Variants in METAP1D observed in about 807,000 individuals in gnomAD.
The protein encoded by METAP1D is methionyl aminopeptidase type 1D, mitochondrial, also known as methionine aminopeptidase 1D, mitochondrial.
Under a neutral mutation model 40.5 loss-of-function variants are expected in METAP1D, and 31 were observed. That is an observed-to-expected ratio of 0.77 (90% CI 0.58 to 1.03). The LOEUF (loss-of-function observed/expected upper bound fraction) is 1.03. Among genes scored for constraint, METAP1D ranks in the 50% least tolerant of loss-of-function variants. METAP1D has a pLI of 0.00. For synonymous variants in METAP1D, 151 were observed against 146.4 expected (o/e 1.03, Z -0.22); for missense variants, 411 against 420.7 (o/e 0.98, Z 0.20).
intron 8 of METAP1D, 34 bp downstream of exon 8, chr2:172,079,296 G>C: frequency 6.2e-7 from 1 of 1,611,264 alleles, no homozygotes; most frequent in Non-Finnish European, 8.5e-7. Flanking sequence ...TGAGTGCGTA[G>C]CTCCTGGTGG....
chr2:172,036,349 A>G (rs1408493626), intron 1 of METAP1D, among the ~76,000 whole-genome samples: 2 of 149,026 alleles, frequency 1.3e-5, no homozygotes, highest in Non-Finnish European at 3.0e-5. Flanking sequence ...ACTGTAATTT[A>G]TTCTGTAGTT....
intron 1 of METAP1D, among the ~76,000 whole-genome samples, chr2:172,023,363 A>G (rs1054198280): frequency 1.3e-5 from 2 of 152,146 alleles, no homozygotes; most frequent in Non-Finnish European, 2.9e-5. Flanking sequence ...AAAAAAAATA[A>G]TTTCTTCCTG....
chr2:172,080,036 A>G (rs1394849062), intron 8 of METAP1D, 92 bp from the exon 9 acceptor site: 11 of 1,122,204 alleles, frequency 9.8e-6, no homozygotes, highest in Non-Finnish European at 1.4e-5. Flanking sequence ...GAGGGGAGGG[A>G]GGAGAAACTT....
At chr2:172,029,520 A>G (rs956908988) in intron 1 of METAP1D, among the ~76,000 whole-genome samples, 1 of 152,254 alleles carries the variant, frequency 6.6e-6, no homozygotes, top group African/African-American at 2.4e-5. Context: ...CATTTACAAA[A>G]TAGTATATAG....
In METAP1D at chr2:172,043,336, A is replaced by G. The variant is rs911312771; in HGVS notation, c.41-18162A>G. 2.3e-5 allele frequency among the ~76,000 whole-genome samples: 3 copies of G among 131,756 alleles called. 1 individual carries two copies. The highest frequency in any genetic ancestry group is 7.7e-5 in the African/African-American group (3 of 39,180). 86.4% of individuals were successfully genotyped at this position (131,756 alleles called of 152,430 possible). ...CACCTGTTAGTTTATCCAGTCAGGC[A>G]CTCCATATTTGGAAGGAAGGAGGAT... is the stretch of plus-strand genomic sequence containing the variant. On this transcript the variant is annotated intron_variant, in intron 1 of 9. Coordinates refer to ENST00000315796, the MANE Select transcript of METAP1D (RefSeq NM_199227.3).
chr2:172,050,364 A>G (rs975624512), intron 1 of METAP1D, among the ~76,000 whole-genome samples: 1 of 152,190 alleles, frequency 6.6e-6, no homozygotes, highest in Non-Finnish European at 1.5e-5. Context: ...TAAGTAGTAT[A>G]TGACAGTAGT....
chr2:172,038,697 G>A (rs1574111836), intron 1 of METAP1D, among the ~76,000 whole-genome samples: 1 of 152,130 alleles, frequency 6.6e-6, no homozygotes, highest in Non-Finnish European at 1.5e-5. Context: ...CAAAAGGAAT[G>A]ATAATTATAA....
chr2:172,045,662 AG>A (rs1386105035), intron 1 of METAP1D, among the ~76,000 whole-genome samples: 31 of 68,788 alleles, frequency 4.5e-4, no homozygotes, highest in Non-Finnish European at 8.6e-4. Flanking sequence ...ACTCCGTCTC[AG>A]GAAAAAAAAA....
intron 1 of METAP1D, among the ~76,000 whole-genome samples, chr2:172,045,666 A>G (rs1361658856): frequency 9.0e-5 from 3 of 33,168 alleles, no homozygotes; most frequent in Non-Finnish European, 9.2e-5. Context: ...CGTCTCAGGA[A>G]AAAAAAAAAA....
At chr2:172,022,765 C>T (rs1689034362) in intron 1 of METAP1D, among the ~76,000 whole-genome samples, 1 of 152,154 alleles carries the variant, frequency 6.6e-6, no homozygotes, top group South Asian at 2.1e-4. Flanking sequence ...TATTAGCAGT[C>T]AATGCAATTA....
chr2:172,079,335 A>C (rs1367442404), intron 8 of METAP1D, 73 bp downstream of exon 8: 1 of 1,388,602 alleles, frequency 7.2e-7, no homozygotes, highest in Admixed American at 1.7e-5. Flanking sequence ...TAGGCCCGGC[A>C]GTCCGGTGAA....
intron 1 of METAP1D, among the ~76,000 whole-genome samples, chr2:172,000,245 G>T (rs1293324157): frequency 1.3e-5 from 2 of 152,176 alleles, no homozygotes; most frequent in African/African-American, 4.8e-5. Flanking sequence ...GCATCTTTTC[G>T]CAATTACTCC....
At chr2:172,024,152 C>CCTGG (rs1250994747) in intron 1 of METAP1D, among the ~76,000 whole-genome samples, 29 of 152,258 alleles carry the variant, frequency 1.9e-4, no homozygotes, top group Non-Finnish European at 2.1e-4. Flanking sequence ...AGCCACTGTG[C>CCTGG]CTGGCCTCAT....
chr2:172,038,391 G>A (rs1001562331), intron 1 of METAP1D, among the ~76,000 whole-genome samples: 3 of 152,048 alleles, frequency 2.0e-5, no homozygotes, highest in African/African-American at 7.2e-5. Flanking sequence ...ACTATCCATA[G>A]CTTAGATCAT....
chr2:172,050,037 CTTAT>C (rs1689853700), intron 1 of METAP1D, among the ~76,000 whole-genome samples: 1 of 151,798 alleles, frequency 6.6e-6, no homozygotes, highest in East Asian at 1.9e-4. Context: ...TGTTTTTTGT[CTTAT>C]TTGTTTTTGA....
At chr2:172,074,654 A>C (rs1690501964) in intron 6 of METAP1D, among the ~76,000 whole-genome samples, 2 of 152,232 alleles carry the variant, frequency 1.3e-5, no homozygotes, top group South Asian at 4.1e-4. Context: ...GGCTTTCAAA[A>C]ATATTACTAA....
At chr2:172,031,437 A>T (rs1162848760) in intron 1 of METAP1D, among the ~76,000 whole-genome samples, 1 of 152,206 alleles carries the variant, frequency 6.6e-6, no homozygotes, top group African/African-American at 2.4e-5. Context: ...TGTCCTTTAT[A>T]ATAATAAAAT....
At chr2:172,059,659 T>A (rs781095652) in intron 1 of METAP1D, among the ~76,000 whole-genome samples, 2 of 152,134 alleles carry the variant, frequency 1.3e-5, no homozygotes, top group Non-Finnish European at 2.9e-5. Context: ...CATTTTTAGG[T>A]TTTGTGCTGT....
At chr2:172,034,986 CTTT>C (rs66853451) in intron 1 of METAP1D, among the ~76,000 whole-genome samples, 5 of 135,574 alleles carry the variant, frequency 3.7e-5, no homozygotes, top group African/African-American at 1.4e-4. Flanking sequence ...GAATTTTTTT[CTTT>C]TTTTTTTTTT....
Sources: gnomAD v4.1 joint callset for allele counts (sites outside exome capture counted in the v4.1 genomes callset) on GRCh38, gnomAD v4.1.1 for gene constraint, MANE v1.5 for transcripts, NCBI Gene and HGNC (gene_info 2026-07-23, HGNC 2026-07-21) for gene names.